The following TOPBP1 variants were observed in gnomAD, a reference collection of about 807,000 sequenced individuals.
TOPBP1 encodes DNA topoisomerase II binding protein 1, also known as DNA topoisomerase 2-binding protein 1.
In TOPBP1, 28 loss-of-function variants were observed where a neutral mutation model predicts 167.7. The ratio of observed to expected loss-of-function variants is 0.17; its 90% CI spans 0.12 to 0.23. TOPBP1 has a LOEUF of 0.23. TOPBP1 is among the 10% of genes least tolerant of loss of function. The probability of loss-of-function intolerance (pLI) is 1.00; values close to 1 mark genes in which losing one functional copy is unlikely to be tolerated. For missense variants in TOPBP1, 1,554 were observed against 1,809.6 expected, an observed-to-expected ratio of 0.86 and a Z score of 2.56; for synonymous variants, 598 against 611.4, an observed-to-expected ratio of 0.98 and a Z score of 0.32.
At chr3:133,653,631 T>G (rs543815347) in intron 6 of TOPBP1, 107 bp from the exon 7 acceptor site, 3 of 647,588 alleles carry the variant, frequency 4.6e-6, no homozygotes, top group Admixed American at 5.1e-5. Context: ...AGGTTAATAT[T>G]TTTTTTTTTT....
At chr3:133,630,351 T>A (rs1935428045) in intron 14 of TOPBP1, among the ~76,000 whole-genome samples, 1 of 151,422 alleles carries the variant, frequency 6.6e-6, no homozygotes, top group African/African-American at 2.4e-5. Context: ...CAAGCTGGAG[T>A]ACAGTGGCAT....
At chr3:133,640,522 C>G (rs1935861070) in intron 12 of TOPBP1, among the ~76,000 whole-genome samples, 2 of 152,130 alleles carry the variant, frequency 1.3e-5, no homozygotes, top group South Asian at 4.1e-4. Flanking sequence ...GCCATCCTCC[C>G]ACCTCAGCCT....
chr3:133,656,729 T>C lies in TOPBP1; in HGVS notation c.492A>G (p.Lys164=), dbSNP rs1268797625. ...KKYLVAANLK[K]PILLPSWIKT... Reference sequence around the variant, plus strand: ...TTATCCAAGAGGGAAGCAAAATAGGTTTCTTCAGGTTTGCAGCAACTAAAT... The same window carrying C: ...TTATCCAAGAGGGAAGCAAAATAGGCTTCTTCAGGTTTGCAGCAACTAAAT... The change falls in exon 5 of 28, where the codon AAA becomes AAG. Residue 164 remains lysine (K), a synonymous_variant. Transcript: ENST00000260810. The C allele has an allele frequency of 1.9e-6, 3 of 1,612,720 alleles. No individual in the cohort carries two copies. The highest frequency in any genetic ancestry group is 1.7e-4 in the Middle Eastern group (1 of 6,058).
At chr3:133,605,051 T>C (rs1204851965) in intron 27 of TOPBP1, among the ~76,000 whole-genome samples, 1 of 151,672 alleles carries the variant, frequency 6.6e-6, no homozygotes, top group East Asian at 1.9e-4. Context: ...ATACAAAAAT[T>C]AGCTAAGACT....
At chr3:133,604,849 G>T (rs1252024594) in intron 27 of TOPBP1, among the ~76,000 whole-genome samples, 1 of 151,868 alleles carries the variant, frequency 6.6e-6, no homozygotes, top group Admixed American at 6.6e-5. Flanking sequence ...AACCTAGGAG[G>T]TGGAGGTTGC....
intron 5 of TOPBP1, among the ~76,000 whole-genome samples, chr3:133,656,058 T>G (rs1219392936): frequency 6.6e-6 from 1 of 151,116 alleles, no homozygotes; most frequent in African/African-American, 2.4e-5. Context: ...TACAATTCTG[T>G]GGTGTTTGGT....
chr3:133,659,132 ATTGGAATTCTT>A lies in TOPBP1; in HGVS notation c.92_102del (p.Lys31IlefsTer20). 6.4e-7 allele frequency: 1 copy of A among 1,574,632 alleles called. No homozygotes were observed. Among genetic ancestry groups the A allele is most frequent in the Non-Finnish European group, 8.6e-7 (1 of 1,161,412 alleles). ...GTAATAATCTGAAGATATTCTTCTG[ATTGGAATTCTT>A]TTATGGACTGAAAGAAAAAATAAAA... On this transcript the variant is annotated frameshift_variant, in exon 3 of 28. Coordinates refer to ENST00000260810, the MANE Select transcript of TOPBP1 (RefSeq NM_007027.4). LOFTEE classifies it high-confidence loss of function.
Position 133,644,194 on chromosome 3 carries a change from G to A in TOPBP1, c.1674C>T (p.Phe558=). The A allele has an allele frequency of 6.2e-7, 1 of 1,613,808 alleles. No individual in the cohort carries two copies. Among genetic ancestry groups the A allele is most frequent in the South Asian group, 1.1e-5 (1 of 91,066 alleles). ...TEEGLFSQKS[F]LVLGFSNENE... ...TTTCATTACTAAAACCCAAAACAAG[G>A]AAACTCTTTTGGCTAAATAAGCCTT... Residue 558 remains phenylalanine (F), a synonymous_variant, in exon 11 of 28, where the codon TTC becomes TTT. Transcript: ENST00000260810.
In TOPBP1 at chr3:133,653,335, T is replaced by C. The variant is rs369638795; in HGVS notation, c.922+10A>G. On this transcript the variant is annotated intron_variant, in intron 7 of 27. Coordinates refer to ENST00000260810, the MANE Select transcript of TOPBP1 (RefSeq NM_007027.4). ...TTCAGAATAATTATTTTAATCTCAA[T>C]GAGACTCACTATCAATTGTGTTGAT... The C allele has an allele frequency of 5.1e-6, 8 of 1,573,078 alleles. No individual in the cohort carries two copies. Among genetic ancestry groups the C allele is most frequent in the Non-Finnish European group, 5.2e-6 (6 of 1,163,404 alleles).
chr3:133,643,839 C>G (rs769874652), intron 11 of TOPBP1, among the ~76,000 whole-genome samples, 181 bp downstream of exon 11: 1 of 152,138 alleles, frequency 6.6e-6, no homozygotes, highest in Non-Finnish European at 1.5e-5. Flanking sequence ...TCTACTGTAT[C>G]GGGATTAGGC....
rs532061440 is a variant in TOPBP1, at chr3:133,603,589, G to A, written c.4426-2196C>T. The stretch of plus-strand genomic sequence containing the variant: ...TAACCTCAGATAATGTACATTCAAG[G>A]CGGAGTAAGCCCAGAGATACGTGTT... On this transcript the variant is annotated intron_variant, in intron 27 of 27. Coordinates refer to ENST00000260810, the MANE Select transcript of TOPBP1 (RefSeq NM_007027.4). Among the ~76,000 whole-genome samples the A allele has an allele frequency of 8.1e-4, 124 of 152,226 alleles. 1 individual carries two copies. In the South Asian group the frequency reaches 0.026, roughly 32 times the overall value.
intron 10 of TOPBP1, among the ~76,000 whole-genome samples, chr3:133,645,680 A>C (rs1406029095): frequency 3.9e-5 from 6 of 152,220 alleles, no homozygotes; most frequent in Non-Finnish European, 8.8e-5. Context: ...AAAACAAAGT[A>C]GAAATACTAA....
intron 14 of TOPBP1, among the ~76,000 whole-genome samples, chr3:133,634,605 A>T (rs1444632810): frequency 3.3e-5 from 5 of 152,234 alleles, no homozygotes; most frequent in African/African-American, 1.2e-4. Context: ...ATTTAATTAG[A>T]TTGGCATCAG....
Position 133,614,199 on chromosome 3 carries a change from C to G in TOPBP1, c.3872-1647G>C, listed in dbSNP as rs574153337. 2.6e-5 allele frequency among the ~76,000 whole-genome samples: 4 copies of G among 152,230 alleles called. 1 individual carries two copies. In the Middle Eastern group the frequency reaches 0.014, roughly 518 times the overall value. ...CTGAGCATTTATTTTATGCCAGGAA[C>G]TACTTAAAGTGCTCCAGATTACTAA... On this transcript the variant is annotated intron_variant, in intron 23 of 27. Transcript: ENST00000260810.
chr3:133,618,314 G>C lies in TOPBP1; in HGVS notation c.3491C>G (p.Pro1164Arg), dbSNP rs759149204. 2 of 1,613,940 alleles carry C rather than the reference G, an allele frequency of 1.2e-6. No individual in the cohort carries two copies. The highest frequency in any genetic ancestry group is 4.5e-5 in the East Asian group (2 of 44,880). ...RARLASNLQWPSCPTQYSELQ... is the reference protein window; with the variant it reads ...RARLASNLQWRSCPTQYSELQ... ...CTCAGAGTATTGTGTGGGACAACTAGGCCACTGCAAATTGCTGGCAAGCCT... is the reference window on the plus strand; with the variant it reads ...CTCAGAGTATTGTGTGGGACAACTACGCCACTGCAAATTGCTGGCAAGCCT... Residue 1164 changes from proline to arginine, a missense_variant, in exon 21 of 28, where the codon CCT becomes CGT. Physicochemically the swap from Pro to Arg is moderately radical, Grantham distance 103. Coordinates refer to ENST00000260810, the MANE Select transcript of TOPBP1 (RefSeq NM_007027.4).
Position 133,623,456 on chromosome 3 carries a change from C to T in TOPBP1, c.2930G>A (p.Cys977Tyr). 6.2e-7 allele frequency: 1 copy of T among 1,607,202 alleles called. No individual in the cohort carries two copies. Among genetic ancestry groups the T allele is most frequent in the Non-Finnish European group, 8.5e-7 (1 of 1,176,304 alleles). The change falls in exon 18 of 28, where the codon TGT becomes TAT. Residue 977 changes from cysteine (C) to tyrosine (Y), a missense_variant and splice_region_variant. Coordinates refer to ENST00000260810, the MANE Select transcript of TOPBP1 (RefSeq NM_007027.4). ...HIVSEHWLLD[C>Y]AQECKHLPES... The stretch of plus-strand genomic sequence containing the variant: ...AGGAAGATGTTTACACTCTTGGGCA[C>T]ACTGCAATACAATGGTGTGCTTTAA...
intron 27 of TOPBP1, among the ~76,000 whole-genome samples, chr3:133,603,894 T>C (rs1224098533): frequency 6.6e-6 from 1 of 151,896 alleles, no homozygotes; most frequent in Non-Finnish European, 1.5e-5. Context: ...ATCTTTCACA[T>C]ATATGATATG....
rs1181116638 is a variant in TOPBP1, at chr3:133,651,759, GTC to G, written c.1089+702_1089+703del. Reference sequence around the variant, plus strand: ...TGGAGTAGATAACTGGCCACTTAATGTCTCTCTGTGTGACTCTGAACAAGAAT... The same window carrying G: ...TGGAGTAGATAACTGGCCACTTAATGTCTCTGTGTGACTCTGAACAAGAAT... On this transcript the variant is annotated intron_variant, in intron 8 of 27. Coordinates refer to ENST00000260810, the MANE Select transcript of TOPBP1 (RefSeq NM_007027.4). Among the ~76,000 whole-genome samples, 14 of 152,270 alleles carry G rather than the reference GTC, an allele frequency of 9.2e-5. No homozygotes were observed. The South Asian group carries it at 2.7e-3, about 29-fold the overall frequency.
intron 16 of TOPBP1, 78 bp downstream of exon 16, chr3:133,628,284 G>A: frequency 7.8e-7 from 1 of 1,274,360 alleles, no homozygotes; most frequent in Non-Finnish European, 1.1e-6. Flanking sequence ...ATGTATTCTT[G>A]TAGATGCTCA....
Sources: gnomAD v4.1 joint callset for allele counts (sites outside exome capture counted in the v4.1 genomes callset) on GRCh38, gnomAD v4.1.1 for gene constraint, MANE v1.5 for transcripts, NCBI Gene and HGNC (gene_info 2026-07-23, HGNC 2026-07-21) for gene names.